CCAR1: variants seen among roughly 807,000 people sequenced by gnomAD.
CCAR1 encodes the protein cell division cycle and apoptosis regulator protein 1.
CCAR1 carries 78 observed loss-of-function variants against 163.8 expected under a neutral mutation model. The ratio of observed to expected loss-of-function variants is 0.48; its 90% confidence interval spans 0.40 to 0.57. CCAR1 has a LOEUF of 0.57. CCAR1 is among the 20% of genes least tolerant of loss of function. The pLI, the probability that CCAR1 is intolerant of heterozygous loss-of-function variation, is 0.00. For missense variants in CCAR1, 1,019 were observed against 1,365.2 expected (o/e 0.75, Z 4.00); for synonymous variants, 443 against 460.7 (o/e 0.96, Z 0.49).
rs200035050 is a variant in CCAR1 at position 68,760,956 on chromosome 10, C to G, written c.1921-51C>G. 4.5e-6 allele frequency: 3 copies of G among 668,200 alleles called. No homozygotes were observed. In the South Asian group the frequency reaches 8.0e-5, roughly 18 times the overall value. 41.4% of individuals were successfully genotyped at this position (668,200 alleles called of 1,614,324 possible). A position where few individuals can be genotyped will look rare whatever the true frequency, so the allele number is the denominator to read the frequency against. ...TCCTATTTCAATATCCGCTGCCCCC[C>G]GCCCCCCGCCACCTTTTTTTTTTCC... On this transcript the variant is annotated intron_variant, in intron 15 of 24. Transcript: ENST00000265872.
chr10:68,787,486 G>GT (rs200884383), intron 21 of CCAR1, among the ~76,000 whole-genome samples: 31 of 149,252 alleles, frequency 2.1e-4, no homozygotes, highest in South Asian at 4.2e-4. Flanking sequence ...TAACAATGAA[G>GT]TTTTTTTTTT....
intron 19 of CCAR1, among the ~76,000 whole-genome samples, chr10:68,777,912 A>G (rs1430510464): frequency 6.6e-6 from 1 of 152,070 alleles, no homozygotes; most frequent in East Asian, 1.9e-4. Flanking sequence ...AGCCTCGACA[A>G]TAAAGCAAGA....
chr10:68,721,491 C>T (rs779579912), intron 1 of CCAR1: 9 of 421,954 alleles, frequency 2.1e-5, no homozygotes, highest in Non-Finnish European at 4.2e-5. Flanking sequence ...AGCCCCACCC[C>T]CACCGCTCGG....
At chr10:68,751,819 G>A (rs1002118255) in intron 10 of CCAR1, among the ~76,000 whole-genome samples, 5 of 151,540 alleles carry the variant, frequency 3.3e-5, no homozygotes, top group African/African-American at 1.2e-4. Context: ...TGCCGAGATT[G>A]CACCACTGCA....
rs775251519 is a variant in CCAR1, at chr10:68,737,099, T to G, written c.246+51T>G. On this transcript the variant is annotated intron_variant, in intron 3 of 24. Coordinates refer to ENST00000265872, the MANE Select transcript of CCAR1 (RefSeq NM_018237.4). ...TTGATGTAGAAAACTTTATGAAATCTGAGTAGCTAGCATTGCTACCTTCAT... is the reference window on the plus strand; with the variant it reads ...TTGATGTAGAAAACTTTATGAAATCGGAGTAGCTAGCATTGCTACCTTCAT... The G allele has an allele frequency of 1.6e-5, 21 of 1,317,174 alleles. No homozygotes were observed. The African/African-American group carries it at 2.6e-4, about 17-fold the overall frequency. 81.6% of individuals were successfully genotyped at this position (1,317,174 alleles called of 1,614,324 possible).
intron 19 of CCAR1, among the ~76,000 whole-genome samples, chr10:68,777,581 G>T (rs866809724): frequency 6.6e-6 from 1 of 152,094 alleles, no homozygotes; most frequent in African/African-American, 2.4e-5. Flanking sequence ...CTGCTCAAGA[G>T]GCTGAGGCGT....
Position 68,756,452 on chromosome 10 carries a change from A to G in CCAR1, c.1805A>G (p.Gln602Arg). 6.2e-7 allele frequency: 1 copy of G among 1,612,786 alleles called. No individual in the cohort carries two copies. Among genetic ancestry groups the G allele is most frequent in the Non-Finnish European group, 8.5e-7 (1 of 1,179,382 alleles). ...GYKQQLVEKL[Q>R]GERKEADGEQ... ...AAGCAGCAGCTGGTCGAGAAGCTTC[A>G]GGGTGAACGCAAGGAGGCTGATGGA... is the stretch of plus-strand genomic sequence containing the variant. The change falls in exon 14 of 25, where the codon CAG (glutamine) becomes CGG (arginine). Residue 602 changes from glutamine to arginine, a missense_variant. Coordinates refer to ENST00000265872, the MANE Select transcript of CCAR1 (RefSeq NM_018237.4). This position sits in a 1 kb window ranked among gnomAD's most constrained non-coding sequence, Gnocchi z 5.1.
In CCAR1 at chr10:68,749,200, C is replaced by T. The variant is rs1432521133; in HGVS notation, c.891C>T (p.Pro297=). ...SQPQPARRLD[P]PSRFSGRNDR... ...CACAACCGGCACGACGATTAGATCC[C>T]CCATCCCGATTTTCAGGAAGAAATG... is the stretch of plus-strand genomic sequence containing the variant. Residue 297 remains proline, a synonymous_variant, in exon 9 of 25, where the codon CCC becomes CCT. Coordinates refer to ENST00000265872, the MANE Select transcript of CCAR1 (RefSeq NM_018237.4). 2 of 1,613,466 alleles carry T rather than the reference C, an allele frequency of 1.2e-6. No individual in the cohort carries two copies. The highest frequency in any genetic ancestry group is 1.3e-5 in the African/African-American group (1 of 74,978).
At chr10:68,733,733 C>T (rs763134078) in intron 2 of CCAR1, among the ~76,000 whole-genome samples, 39 of 152,138 alleles carry the variant, frequency 2.6e-4, no homozygotes, top group South Asian at 6.2e-4. Context: ...TGCAGTGGCG[C>T]GACCTTGGCT....
chr10:68,738,183 G>A lies in CCAR1; in HGVS notation c.291+294G>A, dbSNP rs139166081. 3.5e-3 allele frequency among the ~76,000 whole-genome samples: 533 copies of A among 152,336 alleles called. 3 individuals carry two copies. Among genetic ancestry groups the A allele is most frequent in the African/African-American group, 0.012 (505 of 41,594 alleles). The stretch of plus-strand genomic sequence containing the variant: ...TAATCCCAGCATACTGGGAAGCCGA[G>A]GCGGGCGGATCACTTGAGGTCGGGA... On this transcript the variant is annotated intron_variant, in intron 4 of 24. Coordinates refer to ENST00000265872, the MANE Select transcript of CCAR1 (RefSeq NM_018237.4).
At chr10:68,766,921 T>G (rs2056543130) in intron 17 of CCAR1, among the ~76,000 whole-genome samples, 1 of 152,232 alleles carries the variant, frequency 6.6e-6, no homozygotes, top group Non-Finnish European at 1.5e-5. Flanking sequence ...CCTCTAACTT[T>G]CCTTACAGAC....
intron 6 of CCAR1, among the ~76,000 whole-genome samples, chr10:68,744,224 G>A (rs183369333): frequency 6.6e-6 from 1 of 152,282 alleles, no homozygotes; most frequent in African/African-American, 2.4e-5. Flanking sequence ...GAAGAAAGGC[G>A]GTTCTAACAA....
In CCAR1 at chr10:68,731,354, C is replaced by G. The variant is rs6480359; in HGVS notation, c.74-5522C>G. Among the ~76,000 whole-genome samples, 421 of 152,120 alleles carry G rather than the reference C, an allele frequency of 2.8e-3. 3 individuals carry two copies. Among genetic ancestry groups the G allele is most frequent in the African/African-American group, 9.5e-3 (393 of 41,502 alleles). ...CTTCTCAAATGTCCACAAAGGGGAG[C>G]ATTAATAAATATTTAATGAAATACA... is the stretch of plus-strand genomic sequence containing the variant. On this transcript the variant is annotated intron_variant, in intron 2 of 24. Transcript: ENST00000265872.
intron 17 of CCAR1, among the ~76,000 whole-genome samples, chr10:68,770,467 G>C (rs1047743845): frequency 3.3e-5 from 5 of 152,166 alleles, no homozygotes; most frequent in Admixed American, 6.5e-5. Context: ...GGTTGGCTTC[G>C]CGGGGTGGCT....
At chr10:68,772,344 A>C (rs781052436) in intron 18 of CCAR1, among the ~76,000 whole-genome samples, 8 of 152,002 alleles carry the variant, frequency 5.3e-5, no homozygotes, top group Admixed American at 5.2e-4. Flanking sequence ...TTAGCTGGAC[A>C]TGGTGGCATG....
At chr10:68,789,965 C>T in intron 24 of CCAR1, 50 bp downstream of exon 24, 1 of 1,195,142 alleles carries the variant, frequency 8.4e-7, no homozygotes, top group Non-Finnish European at 1.2e-6. Context: ...AAATCTAACT[C>T]TGGTGTTTTT....
chr10:68,788,243 A>G lies in CCAR1; in HGVS notation c.3102A>G (p.Val1034=). 2.5e-6 allele frequency: 4 copies of G among 1,601,718 alleles called. No individual in the cohort carries two copies. Among genetic ancestry groups the G allele is most frequent in the Non-Finnish European group, 3.4e-6 (4 of 1,176,058 alleles). ...TGTACAATGGTGCAATGGTAGATGT[A>G]GGAAGCCTCTTGCAAAAATTGGAAA... is the stretch of plus-strand genomic sequence containing the variant. ...LIVYNGAMVD[V]GSLLQKLEKS... Residue 1034 remains valine, a synonymous_variant, in exon 23 of 25, where the codon GTA becomes GTG. Transcript: ENST00000265872.
chr10:68,744,833 CTTTT>C (rs953410346), intron 6 of CCAR1, among the ~76,000 whole-genome samples: 75 of 141,316 alleles, frequency 5.3e-4, no homozygotes, highest in African/African-American at 1.8e-3. Flanking sequence ...CTACTTAACT[CTTTT>C]TTTTTTTTTT....
intron 11 of CCAR1, 24 bp downstream of exon 11, chr10:68,754,101 A>G (rs1488479943): frequency 1.4e-6 from 2 of 1,471,838 alleles, no homozygotes; most frequent in African/African-American, 2.8e-5. Context: ...TGTGATATGC[A>G]GCTTAAATTT....
Sources: allele counts gnomAD v4.1 joint callset (sites outside exome capture counted in the v4.1 genomes callset), GRCh38; gene constraint gnomAD v4.1.1; non-coding constraint Gnocchi (gnomAD v3.1); transcripts MANE v1.5; gene names NCBI Gene and HGNC (gene_info 2026-07-23, HGNC 2026-07-21).